Variants in SLC2A13 observed in about 807,000 individuals in gnomAD.
The protein encoded by SLC2A13 is proton myo-inositol cotransporter.
In SLC2A13, 32 loss-of-function variants were observed where a neutral mutation model predicts 64.4. The observed-to-expected ratio is 0.50, with a 90% CI of 0.37 to 0.67. The LOEUF (loss-of-function observed/expected upper bound fraction) is 0.67. SLC2A13 is among the 30% of genes least tolerant of loss of function. The probability of loss-of-function intolerance (pLI) is 0.00; values close to 1 mark genes in which losing one functional copy is unlikely to be tolerated. For synonymous variants in SLC2A13, 338 were observed against 327.1 expected (o/e 1.03, Z -0.36); for missense variants, 743 against 829.2 (o/e 0.90, Z 1.28).
chr12:40,061,193 A>C (rs1453383403), intron 1 of SLC2A13, among the ~76,000 whole-genome samples: 3 of 152,138 alleles, frequency 2.0e-5, no homozygotes, highest in African/African-American at 7.2e-5. Context: ...GCAGCAGCAT[A>C]AATAAGCTGG....
intron 3 of SLC2A13, among the ~76,000 whole-genome samples, chr12:39,990,797 G>A (rs1393508414): frequency 6.6e-6 from 1 of 152,150 alleles, no homozygotes; most frequent in African/African-American, 2.4e-5. Flanking sequence ...TTTAAGCAAT[G>A]CCAACTCTCT....
chr12:39,887,801 G>A (rs541117225), intron 4 of SLC2A13, among the ~76,000 whole-genome samples: 35 of 152,330 alleles, frequency 2.3e-4, no homozygotes, highest in Admixed American at 9.1e-4. Context: ...CAGTATCACT[G>A]ATGTAGTATA....
In SLC2A13 at chr12:39,895,674, A is replaced by ATATG. The variant is rs2135992825; in HGVS notation, c.1035-23714_1035-23713insCATA. ...CGTACACACATATGTATATGCGTGT[A>ATATG]TACGTACACACATATGTATATGCGT... On this transcript the variant is annotated intron_variant, in intron 4 of 9. Coordinates refer to ENST00000280871, the MANE Select transcript of SLC2A13 (RefSeq NM_052885.4). Among the ~76,000 whole-genome samples, 2 of 147,438 alleles carry ATATG rather than the reference A, an allele frequency of 1.4e-5. 1 individual carries two copies. Among genetic ancestry groups the ATATG allele is most frequent in the African/African-American group, 4.9e-5 (2 of 40,494 alleles).
chr12:39,900,792 C>T (rs1480154327), intron 4 of SLC2A13, among the ~76,000 whole-genome samples: 2 of 152,100 alleles, frequency 1.3e-5, no homozygotes, highest in African/African-American at 4.8e-5. Context: ...CAATGCCATC[C>T]CCATCAGGCT....
intron 3 of SLC2A13, among the ~76,000 whole-genome samples, chr12:39,979,179 CCAT>C (rs1412427085): frequency 7.1e-6 from 1 of 141,748 alleles, no homozygotes; most frequent in Non-Finnish European, 1.5e-5. Flanking sequence ...CTGTACATCA[CCAT>C]CATCAAAGAC....
intron 3 of SLC2A13, among the ~76,000 whole-genome samples, chr12:40,011,861 C>A (rs967203085): frequency 2.0e-5 from 3 of 152,166 alleles, no homozygotes; most frequent in African/African-American, 7.2e-5. Flanking sequence ...ACTCTGAAGA[C>A]AGTGACAGAA....
intron 3 of SLC2A13, among the ~76,000 whole-genome samples, chr12:39,961,668 A>G (rs1946415876): frequency 1.3e-5 from 2 of 151,260 alleles, no homozygotes; most frequent in East Asian, 3.9e-4. Flanking sequence ...CTGGCTAATT[A>G]AAAAAAAATT....
intron 7 of SLC2A13, among the ~76,000 whole-genome samples, chr12:39,812,804 G>C (rs928273549): frequency 1.3e-4 from 20 of 149,502 alleles, no homozygotes; most frequent in African/African-American, 3.7e-4. Context: ...TTTAGGGGGT[G>C]GGGGGACAAA....
intron 1 of SLC2A13, among the ~76,000 whole-genome samples, chr12:40,061,641 C>T (rs1158264566): frequency 5.9e-5 from 9 of 151,972 alleles, no homozygotes; most frequent in Non-Finnish European, 1.2e-4. Context: ...CCATTTTATA[C>T]AAGGGAATTG....
chr12:39,825,679 A>G (rs936849043), intron 7 of SLC2A13, among the ~76,000 whole-genome samples: 1 of 152,098 alleles, frequency 6.6e-6, no homozygotes, highest in African/African-American at 2.4e-5. Context: ...CATCTTTTTT[A>G]TTCTAAATAT....
At chr12:39,806,109 C>T (rs986184347) in intron 7 of SLC2A13, among the ~76,000 whole-genome samples, 1 of 152,096 alleles carries the variant, frequency 6.6e-6, no homozygotes, top group Non-Finnish European at 1.5e-5. Flanking sequence ...AATTTGTATA[C>T]AAATATATGC....
At chr12:40,045,651 C>T (rs958553060) in intron 2 of SLC2A13, among the ~76,000 whole-genome samples, 1 of 151,846 alleles carries the variant, frequency 6.6e-6, no homozygotes, top group Admixed American at 6.6e-5. Flanking sequence ...GGGTTCAAAA[C>T]AATCTGGTTG....
At chr12:39,974,410 T>C (rs562230465) in intron 3 of SLC2A13, among the ~76,000 whole-genome samples, 2 of 152,352 alleles carry the variant, frequency 1.3e-5, no homozygotes, top group South Asian at 2.1e-4. Flanking sequence ...TGCCTGTTTT[T>C]GGTGTCCTCA....
At chr12:39,817,964 C>T (rs1942384288) in intron 7 of SLC2A13, among the ~76,000 whole-genome samples, 1 of 152,142 alleles carries the variant, frequency 6.6e-6, no homozygotes, top group Non-Finnish European at 1.5e-5. Flanking sequence ...TGTTTTTCTT[C>T]ATTCTATTTT....
intron 2 of SLC2A13, among the ~76,000 whole-genome samples, chr12:40,038,732 A>G (rs1948031430): frequency 7.0e-6 from 1 of 143,742 alleles, no homozygotes; most frequent in Middle Eastern, 3.3e-3. Flanking sequence ...CCCTGTCTCA[A>G]AAAAAAAAAA....
intron 3 of SLC2A13, among the ~76,000 whole-genome samples, chr12:39,973,353 G>A (rs1946700956): frequency 6.6e-6 from 1 of 152,304 alleles, no homozygotes. Flanking sequence ...ATCATTGGAA[G>A]CCTCTGTTCA....
At chr12:39,885,250 A>G (rs1361036775) in intron 4 of SLC2A13, among the ~76,000 whole-genome samples, 1 of 152,158 alleles carries the variant, frequency 6.6e-6, no homozygotes, top group Non-Finnish European at 1.5e-5. Context: ...AACACAGACT[A>G]ACCTCACTTG....
At chr12:40,003,590 G>A (rs987378364) in intron 3 of SLC2A13, among the ~76,000 whole-genome samples, 2 of 151,892 alleles carry the variant, frequency 1.3e-5, no homozygotes, top group African/African-American at 4.8e-5. Context: ...CTAATGACAT[G>A]CCAGGCCCCT....
At chr12:39,840,918 G>T (rs1323658417) in intron 6 of SLC2A13, among the ~76,000 whole-genome samples, 3 of 152,060 alleles carry the variant, frequency 2.0e-5, no homozygotes, top group African/African-American at 7.2e-5. Context: ...AGAAGATTTG[G>T]TAGTTCCCTT....
Sources: gnomAD v4.1 joint callset for allele counts (sites outside exome capture counted in the v4.1 genomes callset) on GRCh38, gnomAD v4.1.1 for gene constraint, MANE v1.5 for transcripts, NCBI Gene and HGNC (gene_info 2026-07-23, HGNC 2026-07-21) for gene names.